APP: variants seen among roughly 807,000 people sequenced by gnomAD.
APP encodes amyloid beta precursor protein, also known as amyloid-beta precursor protein.
APP carries 31 observed loss-of-function variants against 101.4 expected under a neutral mutation model. That is an observed-to-expected ratio of 0.31 (90% confidence interval 0.23 to 0.41). APP has a LOEUF of 0.41. Ranked by LOEUF, APP falls within the 10% of genes least tolerant of loss-of-function variation. The probability of loss-of-function intolerance (pLI) is 1.00; values close to 1 mark genes in which losing one functional copy is unlikely to be tolerated. For missense variants in APP, 839 were observed against 1,003.7 expected, an observed-to-expected ratio of 0.84 and a Z score of 2.22; for synonymous variants, 366 against 364.4, an observed-to-expected ratio of 1.00 and a Z score of -0.05.
intron 13 of APP, among the ~76,000 whole-genome samples, chr21:25,931,222 G>A (rs1014029009): frequency 5.9e-5 from 9 of 152,182 alleles, no homozygotes; most frequent in African/African-American, 2.2e-4. Flanking sequence ...TGGGCTTTAG[G>A]GATGTGACTA....
At chr21:26,011,034 G>A (rs761311324) in intron 6 of APP, among the ~76,000 whole-genome samples, 10 of 151,542 alleles carry the variant, frequency 6.6e-5, no homozygotes, top group Admixed American at 4.0e-4. Flanking sequence ...TGGGGGATGA[G>A]ACACAGTATT....
intron 3 of APP, among the ~76,000 whole-genome samples, chr21:26,071,845 C>A (rs1320458004): frequency 6.6e-6 from 1 of 152,140 alleles, no homozygotes; most frequent in Non-Finnish European, 1.5e-5. Flanking sequence ...TCAGGTGACC[C>A]TTTTAATGAC....
chr21:26,048,917 G>C (rs960205281), intron 5 of APP, among the ~76,000 whole-genome samples: 3 of 152,160 alleles, frequency 2.0e-5, no homozygotes, highest in African/African-American at 7.2e-5. Flanking sequence ...GGGGCAGAAC[G>C]GTGGGAATGA....
chr21:26,140,329 T>A, intron 1 of APP: 2 of 1,524,692 alleles, frequency 1.3e-6, no homozygotes, highest in South Asian at 2.4e-5. Flanking sequence ...CTCGGGAGGG[T>A]GAGTCAACAG....
chr21:25,927,783 G>A (rs368478131), intron 13 of APP, among the ~76,000 whole-genome samples: 1 of 152,196 alleles, frequency 6.6e-6, no homozygotes, highest in East Asian at 1.9e-4. Flanking sequence ...GGCTTAGACT[G>A]AGGGTACAGA....
intron 5 of APP, among the ~76,000 whole-genome samples, chr21:26,044,697 G>A (rs575199450): frequency 1.3e-5 from 2 of 152,128 alleles, no homozygotes; most frequent in Admixed American, 6.5e-5. Context: ...GCGCCACCAC[G>A]CCTAGCTAAT....
At chr21:26,092,129 T>C (rs1288943000) in intron 2 of APP, among the ~76,000 whole-genome samples, 1 of 152,196 alleles carries the variant, frequency 6.6e-6, no homozygotes, top group East Asian at 1.9e-4. Context: ...GTCTAAAAAG[T>C]TGATATTTTG....
At chr21:26,002,634 A>G (rs1489300840) in intron 6 of APP, among the ~76,000 whole-genome samples, 2 of 152,214 alleles carry the variant, frequency 1.3e-5, no homozygotes, top group Admixed American at 6.5e-5. Flanking sequence ...CTGTGCCGGG[A>G]ATTGGCACTG....
intron 13 of APP, chr21:25,943,001 G>C (rs1238634103): frequency 6.6e-6 from 1 of 151,998 alleles, no homozygotes; most frequent in Non-Finnish European, 1.5e-5. Flanking sequence ...TCTACTTTCT[G>C]TATCTATGAA....
intron 8 of APP, among the ~76,000 whole-genome samples, chr21:25,991,534 C>T (rs939302773): frequency 2.6e-5 from 4 of 152,144 alleles, no homozygotes; most frequent in African/African-American, 9.7e-5. Context: ...CCCATCACCA[C>T]GCCCAGCTAG....
chr21:26,070,258 C>T (rs781198000), intron 3 of APP, among the ~76,000 whole-genome samples: 12 of 152,220 alleles, frequency 7.9e-5, no homozygotes, highest in Non-Finnish European at 1.6e-4. Context: ...TCTGTTACCA[C>T]GCCTCTGTGG....
At chr21:25,892,659 A>T in intron 16 of APP, among the ~76,000 whole-genome samples, 1 of 152,336 alleles carries the variant, frequency 6.6e-6, no homozygotes, top group East Asian at 1.9e-4. Flanking sequence ...CTTTATTTGG[A>T]TTAAACATAA....
intron 2 of APP, among the ~76,000 whole-genome samples, chr21:26,092,732 A>G (rs1255818395): frequency 1.3e-5 from 2 of 152,230 alleles, no homozygotes; most frequent in Non-Finnish European, 2.9e-5. Flanking sequence ...CAAATGTACC[A>G]TTCTGTGGGG....
chr21:26,051,061 C>T lies in APP; in HGVS notation c.601G>A (p.Ala201Thr). 1 of 1,614,214 alleles carries T rather than the reference C, an allele frequency of 6.2e-7. No homozygotes were observed. Among genetic ancestry groups the T allele is most frequent in the East Asian group, 2.2e-5 (1 of 44,886 alleles). The change falls in exon 5 of 18, where the codon GCG becomes ACG. Residue 201 changes from alanine (A) to threonine (T), a missense_variant. Coordinates refer to ENST00000346798, the MANE Select transcript of APP (RefSeq NM_000484.4). The part of the protein sequence containing the change: ...EESDNVDSAD[A>T]EEDDSDVWWG... ...CAGACATCCGAGTCATCCTCCTCCG[C>T]ATCAGCAGAATCCACATTGTCACTT...
chr21:26,089,024 T>C (rs138605758), intron 3 of APP, among the ~76,000 whole-genome samples: 1 of 152,342 alleles, frequency 6.6e-6, no homozygotes, highest in African/African-American at 2.4e-5. Context: ...TATCCTTACT[T>C]TGTAAGTTTG....
chr21:26,166,728 T>C (rs2146398386), intron 1 of APP, among the ~76,000 whole-genome samples: 2 of 152,330 alleles, frequency 1.3e-5, no homozygotes, highest in South Asian at 4.1e-4. Flanking sequence ...TCGTTGCCAC[T>C]GTTCATCTCA....
At chr21:26,075,965 C>T (rs1341048064) in intron 3 of APP, among the ~76,000 whole-genome samples, 1 of 152,124 alleles carries the variant, frequency 6.6e-6, no homozygotes, top group Non-Finnish European at 1.5e-5. Context: ...GCGATCTCGG[C>T]TCACTGCAAT....
In APP at chr21:26,020,392, C is replaced by T. The variant is rs567398041; in HGVS notation, c.865+1448G>A. ...CACAGCTTGGCAAATTTCTTAAAGC[C>T]GCTGAATTATATACTTAAAAGCAAA... On this transcript the variant is annotated intron_variant, in intron 6 of 17. Coordinates refer to ENST00000346798, the MANE Select transcript of APP (RefSeq NM_000484.4). 5.9e-5 allele frequency among the ~76,000 whole-genome samples: 9 copies of T among 152,008 alleles called. No individual in the cohort carries two copies. The South Asian group carries it at 6.2e-4, about 11-fold the overall frequency.
At chr21:25,882,288 T>G (rs1169179312) in intron 17 of APP, among the ~76,000 whole-genome samples, 1 of 150,928 alleles carries the variant, frequency 6.6e-6, no homozygotes, top group African/African-American at 2.4e-5. Context: ...TCTATCAAAT[T>G]TTATGTTTGT....
Sources: gnomAD v4.1 joint callset for allele counts (sites outside exome capture counted in the v4.1 genomes callset) on GRCh38, gnomAD v4.1.1 for gene constraint, MANE v1.5 for transcripts, NCBI Gene and HGNC (gene_info 2026-07-23, HGNC 2026-07-21) for gene names.